Variants in N4BP1 observed in about 807,000 individuals in gnomAD.
N4BP1 encodes the protein NEDD4-binding protein 1.
N4BP1 carries 21 observed loss-of-function variants against 70.9 expected under a neutral mutation model. The observed-to-expected ratio is 0.30, with a 90% CI of 0.21 to 0.43. The LOEUF is 0.43. Among genes scored for constraint, N4BP1 ranks in the 20% least tolerant of loss-of-function variants. The probability of loss-of-function intolerance (pLI) is 1.00; values close to 1 mark genes in which losing one functional copy is unlikely to be tolerated. For missense variants in N4BP1, 936 were observed against 1,069.4 expected, an observed-to-expected ratio of 0.88 and a Z score of 1.74; for synonymous variants, 387 against 394.6, an observed-to-expected ratio of 0.98 and a Z score of 0.23.
intron 1 of N4BP1, among the ~76,000 whole-genome samples, chr16:48,596,598 G>A (rs1425071962): frequency 6.6e-6 from 1 of 152,202 alleles, no homozygotes; most frequent in East Asian, 1.9e-4. Flanking sequence ...AGGAAATTAT[G>A]ACAGTGAAAG....
rs976324344 is a variant in N4BP1, at chr16:48,539,892, C to A, written c.*3012G>T. ...TGTGCACCAAGACAGAGCCCCAGCG[C>A]GGCCTTGCAGCCAGGCACCGGGCCG... On this transcript the variant is annotated 3_prime_UTR_variant, in exon 7 of 7. Transcript: ENST00000262384. 1 of 152,462 alleles carries A rather than the reference C, an allele frequency of 6.6e-6. No homozygotes were observed. The highest frequency in any genetic ancestry group is 3.4e-3 in the Middle Eastern group (1 of 294). 9.4% of individuals were successfully genotyped at this position (152,462 alleles called of 1,614,324 possible).
chr16:48,549,608 C>T (rs1963636950), intron 4 of N4BP1, among the ~76,000 whole-genome samples: 1 of 152,216 alleles, frequency 6.6e-6, no homozygotes, highest in Admixed American at 6.5e-5. Flanking sequence ...CCTATCCCCC[C>T]CGGCACCCAC....
At chr16:48,609,288 G>GT (rs113396808) in intron 1 of N4BP1, among the ~76,000 whole-genome samples, 2 of 152,116 alleles carry the variant, frequency 1.3e-5, no homozygotes, top group South Asian at 2.1e-4. Context: ...ACTATTAATA[G>GT]TTTTTTTCCG....
chr16:48,601,859 A>G (rs1964506758), intron 1 of N4BP1, among the ~76,000 whole-genome samples: 1 of 152,192 alleles, frequency 6.6e-6, no homozygotes, highest in Non-Finnish European at 1.5e-5. Context: ...TACGGGGCAC[A>G]TGCCACCACG....
chr16:48,560,570 A>C (rs1393417457), intron 2 of N4BP1, 184 bp downstream of exon 2: 1 of 643,404 alleles, frequency 1.6e-6, no homozygotes, highest in Non-Finnish European at 2.5e-6. Flanking sequence ...AAAGTTCATG[A>C]ATCCAGAAGA....
chr16:48,599,693 T>A (rs1051679931), intron 1 of N4BP1, among the ~76,000 whole-genome samples: 1 of 152,252 alleles, frequency 6.6e-6, no homozygotes, highest in Non-Finnish European at 1.5e-5. Flanking sequence ...AGGGTAGCGA[T>A]GTGCCTAGGT....
At chr16:48,547,915 GGAATATA>G (rs1485181056) in intron 5 of N4BP1, 85 bp downstream of exon 5, 7 of 828,138 alleles carry the variant, frequency 8.5e-6, no homozygotes, top group Non-Finnish European at 1.2e-5. Flanking sequence ...GTGGAGCCAA[GGAATATA>G]GAAAACAAAA....
At chr16:48,595,925 C>G (rs943550129) in intron 1 of N4BP1, among the ~76,000 whole-genome samples, 2 of 152,178 alleles carry the variant, frequency 1.3e-5, no homozygotes, top group Admixed American at 6.5e-5. Context: ...TCATAGCTAT[C>G]TGAGGGTATA....
chr16:48,594,545 G>A (rs1351275891), intron 1 of N4BP1, among the ~76,000 whole-genome samples: 3 of 151,954 alleles, frequency 2.0e-5, no homozygotes, highest in Non-Finnish European at 4.4e-5. Context: ...TGGTAGAGAC[G>A]GGGTTTCACC....
At chr16:48,593,544 T>C (rs1332078816) in intron 1 of N4BP1, among the ~76,000 whole-genome samples, 1 of 152,212 alleles carries the variant, frequency 6.6e-6, no homozygotes, top group Admixed American at 6.5e-5. Flanking sequence ...TAAAGAGGTA[T>C]TATTCTGTTT....
chr16:48,602,408 CTTGAT>C (rs1964515756), intron 1 of N4BP1, among the ~76,000 whole-genome samples: 1 of 152,082 alleles, frequency 6.6e-6, no homozygotes, highest in African/African-American at 2.4e-5. Flanking sequence ...AAATGTGGTC[CTTGAT>C]TTAATTACAA....
At chr16:48,609,627 C>T in intron 1 of N4BP1, 148 bp downstream of exon 1, 1 of 632,254 alleles carries the variant, frequency 1.6e-6, no homozygotes, top group Non-Finnish European at 2.3e-6. Flanking sequence ...ACATGGCTCG[C>T]GAGCCGAAAA....
At chr16:48,584,539 A>G (rs189253564) in intron 1 of N4BP1, among the ~76,000 whole-genome samples, 2 of 152,258 alleles carry the variant, frequency 1.3e-5, no homozygotes, top group East Asian at 1.9e-4. Flanking sequence ...AACTCTATCT[A>G]TATTTCTAGA....
chr16:48,546,298 T>A (rs756866781), intron 5 of N4BP1, 44 bp from the exon 6 acceptor site: 65 of 1,389,250 alleles, frequency 4.7e-5, no homozygotes, highest in Non-Finnish European at 6.3e-5. Context: ...GGGTCCTCAC[T>A]GCCCAGGGCC....
At position 48,548,088 on chromosome 16, in the gene N4BP1, G is replaced by C; in HGVS notation, c.2144C>G (p.Thr715Ser). 2.5e-6 allele frequency: 4 copies of C among 1,612,650 alleles called. No individual in the cohort carries two copies. Among genetic ancestry groups the C allele is most frequent in the South Asian group, 1.1e-5 (1 of 91,042 alleles). The change falls in exon 5 of 7, where the codon ACT (threonine) becomes AGT (serine). Residue 715 changes from threonine (T) to serine (S), a missense_variant. Coordinates refer to ENST00000262384, the MANE Select transcript of N4BP1 (RefSeq NM_153029.4). Reference sequence around the variant, plus strand: ...ATCATTTGTCACAATTATGCCACCAGTTTTGTCCGCTAAGTGTAGTAGAAA... The same window carrying C: ...ATCATTTGTCACAATTATGCCACCACTTTTGTCCGCTAAGTGTAGTAGAAA... ...DRFLLHLADK[T>S]GGIIVTNDNF...
chr16:48,602,366 A>G (rs993828108), intron 1 of N4BP1, among the ~76,000 whole-genome samples: 2 of 152,244 alleles, frequency 1.3e-5, no homozygotes, highest in Non-Finnish European at 2.9e-5. Context: ...TTCTATGATT[A>G]TATCAATTTC....
At position 48,610,039 on chromosome 16, in the gene N4BP1, G is replaced by A; in HGVS notation, c.-67C>T. The A allele has an allele frequency of 2.1e-6, 2 of 940,288 alleles. No individual in the cohort carries two copies. The highest frequency in any genetic ancestry group is 2.6e-6 in the Non-Finnish European group (2 of 772,972). The allele number at this position is 940,288 out of a possible 1,614,324, so 58.2% of individuals were successfully genotyped here. ...GGCGACGCCCCCTCAGCTTGCTGCC[G>A]CTGCTCCCAAGCCAGTCAGGCGGCG... On this transcript the variant is annotated 5_prime_UTR_variant, in exon 1 of 7. Transcript: ENST00000262384.
At chr16:48,597,764 A>T (rs1224359661) in intron 1 of N4BP1, among the ~76,000 whole-genome samples, 1 of 151,978 alleles carries the variant, frequency 6.6e-6, no homozygotes, top group Non-Finnish European at 1.5e-5. Context: ...ATGTCTCGTC[A>T]TCTAGTGGCC....
intron 1 of N4BP1, among the ~76,000 whole-genome samples, chr16:48,583,849 G>C (rs953748266): frequency 2.6e-5 from 4 of 152,134 alleles, no homozygotes; most frequent in Non-Finnish European, 5.9e-5. Flanking sequence ...ACTCTCATCT[G>C]CTTGAGCTAC....
Sources: gnomAD v4.1 joint callset for allele counts (sites outside exome capture counted in the v4.1 genomes callset) on GRCh38, gnomAD v4.1.1 for gene constraint, MANE v1.5 for transcripts, NCBI Gene and HGNC (gene_info 2026-07-23, HGNC 2026-07-21) for gene names.